ITGA8: variants seen among roughly 807,000 people sequenced by gnomAD.
ITGA8 encodes integrin alpha-8.
Under a neutral mutation model 142.3 loss-of-function variants are expected in ITGA8, and 91 were observed. The ratio of observed to expected loss-of-function variants is 0.64; its 90% CI spans 0.54 to 0.76. ITGA8 has a LOEUF of 0.76. ITGA8 is among the 30% of genes least tolerant of loss of function. ITGA8 has a pLI of 0.00. For synonymous variants in ITGA8, 505 were observed against 485.2 expected (o/e 1.04, Z -0.54); for missense variants, 1,406 against 1,327.7 (o/e 1.06, Z -0.92).
chr10:15,683,954 T>G, intron 4 of ITGA8, 50 bp downstream of exon 4: 1 of 1,610,676 alleles, frequency 6.2e-7, no homozygotes, highest in Non-Finnish European at 8.5e-7. Context: ...CTGTCTACGA[T>G]AGAAAAGCAC....
At chr10:15,654,716 G>A (rs1022017255) in intron 11 of ITGA8, among the ~76,000 whole-genome samples, 4 of 152,212 alleles carry the variant, frequency 2.6e-5, no homozygotes, top group African/African-American at 7.2e-5. Context: ...GGAACGTGGT[G>A]TGTGATCCAA....
chr10:15,627,102 A>G (rs1194509397), intron 13 of ITGA8, among the ~76,000 whole-genome samples: 1 of 151,738 alleles, frequency 6.6e-6, no homozygotes, highest in African/African-American at 2.4e-5. Context: ...AAAAACAGAC[A>G]CTCCCCTGCC....
At chr10:15,602,733 G>C (rs1833125679) in intron 20 of ITGA8, among the ~76,000 whole-genome samples, 1 of 136,644 alleles carries the variant, frequency 7.3e-6, no homozygotes, top group African/African-American at 2.5e-5. Flanking sequence ...GCAAGACCCT[G>C]TCTCAAAAAA....
At chr10:15,558,803 C>T (rs1470636633) in intron 25 of ITGA8, among the ~76,000 whole-genome samples, 2 of 152,206 alleles carry the variant, frequency 1.3e-5, no homozygotes, top group Admixed American at 1.3e-4. Flanking sequence ...GCCCTGAGTT[C>T]GTTTTGCAAA....
Position 15,616,589 on chromosome 10 carries a change from C to T in ITGA8, c.1400-30G>A, listed in dbSNP as rs9333266. On this transcript the variant is annotated intron_variant, in intron 13 of 29. Coordinates refer to ENST00000378076, the MANE Select transcript of ITGA8 (RefSeq NM_003638.3). ...AAAAGACAAAAACACAGAACACATG[C>T]GTGAATCGTATAGAAACAATTTACT... 3.0e-3 allele frequency: 4,796 copies of T among 1,593,326 alleles called. 14 individuals carry two copies. Among genetic ancestry groups the T allele is most frequent in the Non-Finnish European group, 3.8e-3 (4,471 of 1,162,912 alleles).
chr10:15,719,634 G>A lies in ITGA8; in HGVS notation c.138C>T (p.Leu46=). The A allele has an allele frequency of 6.5e-7, 1 of 1,538,956 alleles. No individual in the cohort carries two copies. The highest frequency in any genetic ancestry group is 8.7e-7 in the Non-Finnish European group (1 of 1,152,496). The change falls in exon 1 of 30, where the codon CTC becomes CTT. Residue 46 remains leucine, a synonymous_variant. Coordinates refer to ENST00000378076, the MANE Select transcript of ITGA8 (RefSeq NM_003638.3). ...TGCCCTTGGGGCCGCTGTACACTGT[G>A]AGCTTTTCCACGTCCAGGTTGAACG... ...CQAFNLDVEK[L]TVYSGPKGSY...
chr10:15,695,794 C>A (rs1451247913), intron 2 of ITGA8, among the ~76,000 whole-genome samples: 1 of 152,202 alleles, frequency 6.6e-6, no homozygotes, highest in Admixed American at 6.5e-5. Context: ...TTTCTGGTGA[C>A]AGCCTCAGGA....
chr10:15,716,670 A>ATTTTTTTT (rs796458374), intron 2 of ITGA8, among the ~76,000 whole-genome samples: 13 of 135,052 alleles, frequency 9.6e-5, no homozygotes, highest in African/African-American at 3.3e-4. Context: ...AACCTATTGT[A>ATTTTTTTT]TTTTTTTTTT....
At chr10:15,561,215 A>ATG (rs1554772689) in intron 25 of ITGA8, among the ~76,000 whole-genome samples, 4 of 102,508 alleles carry the variant, frequency 3.9e-5, no homozygotes, top group Admixed American at 1.9e-4. Context: ...TTGGCTATAT[A>ATG]TATATATATA....
intron 22 of ITGA8, among the ~76,000 whole-genome samples, chr10:15,589,695 T>C (rs1028795284): frequency 3.3e-5 from 5 of 152,022 alleles, no homozygotes; most frequent in Non-Finnish European, 4.4e-5. Flanking sequence ...CAGCAAAGCA[T>C]GCAGATAAAT....
chr10:15,567,290 C>A (rs1009461727), intron 25 of ITGA8, among the ~76,000 whole-genome samples: 6 of 152,012 alleles, frequency 3.9e-5, no homozygotes, highest in Admixed American at 3.3e-4. Context: ...CTCTCCAAAC[C>A]CTAGGATAAA....
chr10:15,544,842 C>T (rs1046823726), intron 27 of ITGA8, among the ~76,000 whole-genome samples: 1 of 152,172 alleles, frequency 6.6e-6, no homozygotes, highest in Non-Finnish European at 1.5e-5. Flanking sequence ...CATCTCCTGG[C>T]TTACTTGCCT....
At chr10:15,675,741 C>G (rs948078618) in intron 6 of ITGA8, among the ~76,000 whole-genome samples, 9 of 152,196 alleles carry the variant, frequency 5.9e-5, no homozygotes, top group Non-Finnish European at 7.3e-5. Context: ...TCTTCTTACT[C>G]TAGCTAAAGC....
intron 2 of ITGA8, among the ~76,000 whole-genome samples, chr10:15,704,341 C>G (rs945498976): frequency 3.3e-5 from 5 of 152,198 alleles, no homozygotes; most frequent in African/African-American, 4.8e-5. Context: ...GTGCACACTA[C>G]TGCACCTGCT....
At position 15,517,289 on chromosome 10, in the gene ITGA8, C is replaced by A. The variant is rs750307359; in HGVS notation, c.3106-45G>T. On this transcript the variant is annotated intron_variant, in intron 29 of 29. Coordinates refer to ENST00000378076, the MANE Select transcript of ITGA8 (RefSeq NM_003638.3). ...CTATAAAATCACGTCATTCTGGGAA[C>A]CTGTGAAACCCCTCATTCAAAGAAT... The A allele has an allele frequency of 5.6e-6, 7 of 1,258,994 alleles. No homozygotes were observed. The African/African-American group carries it at 6.1e-5, about 11-fold the overall frequency. The allele number at this position is 1,258,994 out of a possible 1,614,324, so 78.0% of individuals were successfully genotyped here. A position where few individuals can be genotyped will look rare whatever the true frequency, so the allele number is the denominator to read the frequency against.
chr10:15,541,425 T>A (rs1165188396), intron 27 of ITGA8, among the ~76,000 whole-genome samples: 1 of 152,220 alleles, frequency 6.6e-6, no homozygotes, highest in African/African-American at 2.4e-5. Flanking sequence ...AATCACTTCT[T>A]GTTCACTTTG....
rs189086154 is a variant in ITGA8 at position 15,601,661 on chromosome 10, G to A, written c.2118+2547C>T. Among the ~76,000 whole-genome samples the A allele has an allele frequency of 1.3e-3, 196 of 152,072 alleles. No individual in the cohort carries two copies. The Middle Eastern group carries it at 0.014, about 11-fold the overall frequency. ...CACCTTTTTTCACAGAAAAATTAAG[G>A]AGAAAAATCACCAAAAGGAAATATA... On this transcript the variant is annotated intron_variant, in intron 20 of 29. Transcript: ENST00000378076.
At chr10:15,617,130 G>C (rs1271197551) in intron 13 of ITGA8, among the ~76,000 whole-genome samples, 1 of 152,154 alleles carries the variant, frequency 6.6e-6, no homozygotes, top group East Asian at 1.9e-4. Context: ...CTAATAAATA[G>C]CACATGGAAC....
intron 23 of ITGA8, among the ~76,000 whole-genome samples, chr10:15,585,556 C>T (rs1432715916): frequency 1.3e-5 from 2 of 152,152 alleles, no homozygotes; most frequent in African/African-American, 2.4e-5. Flanking sequence ...GGAAGGAAAC[C>T]AGCATTCTGG....
Sources: gnomAD v4.1 joint callset for allele counts (sites outside exome capture counted in the v4.1 genomes callset) on GRCh38, gnomAD v4.1.1 for gene constraint, MANE v1.5 for transcripts, NCBI Gene and HGNC (gene_info 2026-07-23, HGNC 2026-07-21) for gene names.